The following VAT1L variants were observed in gnomAD, a reference collection of about 807,000 sequenced individuals.
The protein encoded by VAT1L is putative NADPH-dependent quinone oxidoreductase VAT1L.
VAT1L carries 34 observed loss-of-function variants against 44.1 expected under a neutral mutation model. The ratio of observed to expected loss-of-function variants is 0.77; its 90% CI spans 0.59 to 1.03. The LOEUF is 1.03. VAT1L is among the 50% of genes least tolerant of loss of function. The probability of loss-of-function intolerance (pLI) is 0.00; values close to 1 mark genes in which losing one functional copy is unlikely to be tolerated. For missense variants in VAT1L, 615 were observed against 538.8 expected (o/e 1.14, Z -1.40); for synonymous variants, 253 against 202.2 (o/e 1.25, Z -2.13).
chr16:77,868,671 G>A (rs577359675), intron 4 of VAT1L, among the ~76,000 whole-genome samples: 59 of 152,322 alleles, frequency 3.9e-4, no homozygotes, highest in African/African-American at 1.0e-3. Context: ...AAGTGAGGGC[G>A]GCTTGCTCCT....
At chr16:77,873,717 G>A (rs1400304863) in intron 4 of VAT1L, among the ~76,000 whole-genome samples, 3 of 152,166 alleles carry the variant, frequency 2.0e-5, no homozygotes, top group Admixed American at 6.5e-5. Flanking sequence ...ATGGAGATCC[G>A]TTTTAGGTGG....
chr16:77,940,349 T>TG (rs2017865451), intron 7 of VAT1L, among the ~76,000 whole-genome samples: 4 of 148,934 alleles, frequency 2.7e-5, no homozygotes, highest in Admixed American at 2.0e-4. Flanking sequence ...GGTTTTTTTT[T>TG]TTTTTTTTTT....
intron 3 of VAT1L, among the ~76,000 whole-genome samples, chr16:77,857,373 G>A (rs1193998450): frequency 6.6e-6 from 1 of 152,084 alleles, no homozygotes; most frequent in Non-Finnish European, 1.5e-5. Context: ...GTTGGAGAAG[G>A]GAGAATACAG....
At chr16:77,964,548 G>C (rs1623004) in intron 7 of VAT1L, among the ~76,000 whole-genome samples, 61,838 of 151,880 alleles carry the variant, frequency 0.41, 12,783 homozygotes, top group Middle Eastern at 0.47. Flanking sequence ...CCCAGATAAT[G>C]CAGGATAATC....
chr16:77,818,885 T>TGCA (rs2016400526), intron 2 of VAT1L, among the ~76,000 whole-genome samples: 1 of 152,202 alleles, frequency 6.6e-6, no homozygotes, highest in African/African-American at 2.4e-5. Flanking sequence ...TGGAATTCCT[T>TGCA]GCAGCAGCAC....
chr16:77,874,173 G>A (rs73579130), intron 4 of VAT1L, among the ~76,000 whole-genome samples: 1,590 of 152,206 alleles, frequency 0.01, 25 homozygotes, highest in African/African-American at 0.037. Flanking sequence ...CCTAATATTG[G>A]TGAGGCTGCT....
At chr16:77,796,399 T>C (rs2015934577) in intron 1 of VAT1L, among the ~76,000 whole-genome samples, 1 of 152,066 alleles carries the variant, frequency 6.6e-6, no homozygotes, top group South Asian at 2.1e-4. Flanking sequence ...CCCCATGGGG[T>C]AGGTGTCACT....
intron 7 of VAT1L, among the ~76,000 whole-genome samples, chr16:77,946,952 C>T (rs907091595): frequency 3.3e-5 from 5 of 152,182 alleles, no homozygotes; most frequent in African/African-American, 1.2e-4. Flanking sequence ...GCAACACCTC[C>T]CTCAACCCCT....
chr16:77,926,071 G>C (rs1038171933), intron 7 of VAT1L, among the ~76,000 whole-genome samples: 1 of 150,976 alleles, frequency 6.6e-6, no homozygotes, highest in African/African-American at 2.4e-5. Context: ...GACCATCCTG[G>C]CTAACACTGT....
intron 7 of VAT1L, among the ~76,000 whole-genome samples, chr16:77,896,110 A>G (rs534715891): frequency 1.3e-5 from 2 of 152,036 alleles, no homozygotes; most frequent in Non-Finnish European, 2.9e-5. Flanking sequence ...ATTCCCGCCA[A>G]CCGCCGGAAT....
At chr16:77,925,039 A>G (rs2017651009) in intron 7 of VAT1L, among the ~76,000 whole-genome samples, 1 of 152,200 alleles carries the variant, frequency 6.6e-6, no homozygotes, top group South Asian at 2.1e-4. Context: ...TTTTGAGAAC[A>G]TGGGTGGTCC....
rs1229792881 is a variant in VAT1L at position 77,884,290 on chromosome 16, C to T, written c.883-318C>T. 4.0e-5 allele frequency among the ~76,000 whole-genome samples: 6 copies of T among 151,846 alleles called. No individual in the cohort carries two copies. The highest frequency in any genetic ancestry group is 3.3e-4 in the Admixed American group (5 of 15,244). Reference sequence around the variant, plus strand: ...AATACAAAAATTAGCTGGGCATGGTCGTGGGCGCCTGTAATCCCAGCTACT... The same window carrying T: ...AATACAAAAATTAGCTGGGCATGGTTGTGGGCGCCTGTAATCCCAGCTACT... On this transcript the variant is annotated intron_variant, in intron 6 of 8. Coordinates refer to ENST00000302536, the MANE Select transcript of VAT1L (RefSeq NM_020927.3). The surrounding 1 kb of genome is among the most constrained non-coding windows in gnomAD (Gnocchi z 4.5).
chr16:77,888,512 A>G (rs1191392023), intron 7 of VAT1L, among the ~76,000 whole-genome samples: 1 of 152,270 alleles, frequency 6.6e-6, no homozygotes, highest in Admixed American at 6.5e-5. Context: ...TGAACAAGGT[A>G]TAATTTTAAA....
At chr16:77,959,314 C>A (rs1387880873) in intron 7 of VAT1L, among the ~76,000 whole-genome samples, 1 of 152,186 alleles carries the variant, frequency 6.6e-6, no homozygotes, top group East Asian at 1.9e-4. Context: ...ACTTTAGACT[C>A]CAGAAGAAGC....
intron 7 of VAT1L, among the ~76,000 whole-genome samples, chr16:77,912,404 G>T (rs943354316): frequency 2.6e-5 from 4 of 152,164 alleles, no homozygotes; most frequent in African/African-American, 9.7e-5. Flanking sequence ...TTGAGGCTGA[G>T]TGAATGGGGA....
chr16:77,924,207 CT>C (rs1435648295), intron 7 of VAT1L, among the ~76,000 whole-genome samples: 1 of 151,296 alleles, frequency 6.6e-6, no homozygotes, highest in East Asian at 1.9e-4. Context: ...GAAACTCTTC[CT>C]TCAATATTTG....
chr16:77,844,559 C>T (rs1229974350), intron 3 of VAT1L, among the ~76,000 whole-genome samples: 2 of 152,250 alleles, frequency 1.3e-5, no homozygotes, highest in East Asian at 3.9e-4. Context: ...CAGGTGCCCA[C>T]CACCACGCCT....
chr16:77,940,755 C>T (rs1346146552), intron 7 of VAT1L, among the ~76,000 whole-genome samples: 2 of 152,106 alleles, frequency 1.3e-5, no homozygotes, highest in East Asian at 1.9e-4. Flanking sequence ...TCAAATTTTC[C>T]AGCATCACCT....
chr16:77,876,621 A>G, intron 5 of VAT1L, 148 bp downstream of exon 5: 2 of 667,418 alleles, frequency 3.0e-6, no homozygotes, highest in Non-Finnish European at 2.6e-6. Flanking sequence ...TAATGTTTCT[A>G]TTACTGTGAG....
Sources: gnomAD v4.1 joint callset for allele counts (sites outside exome capture counted in the v4.1 genomes callset) on GRCh38, gnomAD v4.1.1 for gene constraint, Gnocchi (gnomAD v3.1) non-coding constraint, MANE v1.5 for transcripts, NCBI Gene and HGNC (gene_info 2026-07-23, HGNC 2026-07-21) for gene names.